The following KCNJ6 variants were observed in gnomAD, a reference collection of about 807,000 sequenced individuals.
KCNJ6 encodes potassium inwardly rectifying channel subfamily J member 6.
Under a neutral mutation model 34.2 loss-of-function variants are expected in KCNJ6, and 9 were observed. The ratio of observed to expected loss-of-function variants is 0.26; its 90% CI spans 0.16 to 0.46. KCNJ6 has a LOEUF of 0.46. Among genes scored for constraint, KCNJ6 ranks in the 20% least tolerant of loss-of-function variants. KCNJ6 has a pLI of 1.00. For synonymous variants in KCNJ6, 196 were observed against 207.1 expected (o/e 0.95, Z 0.46); for missense variants, 236 against 531.3 (o/e 0.44, Z 5.46).
chr21:37,782,802 G>A (rs1336791252), intron 2 of KCNJ6, among the ~76,000 whole-genome samples: 7 of 152,086 alleles, frequency 4.6e-5, no homozygotes, highest in Non-Finnish European at 1.0e-4. Flanking sequence ...CTACACTCAG[G>A]TGCCCAGGGC....
chr21:37,745,847 G>A (rs990207466), intron 2 of KCNJ6, among the ~76,000 whole-genome samples: 3 of 152,174 alleles, frequency 2.0e-5, no homozygotes, highest in African/African-American at 4.8e-5. Flanking sequence ...CTAGGGCAGC[G>A]GAGGCAATTC....
Position 37,618,122 on chromosome 21 carries a change from T to TGATGTCAGGGC in KCNJ6, c.*7026_*7036dup, listed in dbSNP as rs1307905999. 2.6e-5 allele frequency: 4 copies of TGATGTCAGGGC among 152,246 alleles called. No homozygotes were observed. Among genetic ancestry groups the TGATGTCAGGGC allele is most frequent in the African/African-American group, 9.6e-5 (4 of 41,460 alleles). The allele number at this position is 152,246 out of a possible 1,614,324, so 9.4% of individuals were successfully genotyped here. The stretch of plus-strand genomic sequence containing the variant: ...GCCCACAGTCAGCAATGCTGAGAGA[T>TGATGTCAGGGC]GATGTCAGGGCGATGCCCGTGATGG... On this transcript the variant is annotated 3_prime_UTR_variant, in exon 4 of 4. Transcript: ENST00000609713.
rs76468391 is a variant in KCNJ6 at position 37,717,435 on chromosome 21, A to G, written c.26-2304T>C. Among the ~76,000 whole-genome samples, 3,285 of 151,008 alleles carry G rather than the reference A, an allele frequency of 0.022. 297 individuals are homozygous for G. In the East Asian group the frequency reaches 0.32, roughly 15 times the overall value. ...TTCTCACTGGAGATGGGGTGGGTGT[A>G]TGGATGGAGGCAAAGGCCATGTCCT... On this transcript the variant is annotated intron_variant, in intron 2 of 3. Transcript: ENST00000609713.
At chr21:37,688,117 G>T (rs1259616999) in intron 3 of KCNJ6, among the ~76,000 whole-genome samples, 5 of 147,368 alleles carry the variant, frequency 3.4e-5, no homozygotes, top group African/African-American at 1.2e-4. Context: ...TGGCAGACAG[G>T]TGTTTCTTCT....
At chr21:37,684,783 C>T (rs1051588850) in intron 3 of KCNJ6, among the ~76,000 whole-genome samples, 4 of 152,080 alleles carry the variant, frequency 2.6e-5, no homozygotes, top group Admixed American at 1.3e-4. Context: ...GCCGAGTCAG[C>T]GGGGTCAAAG....
At chr21:37,842,692 C>T (rs2836019) in intron 1 of KCNJ6, among the ~76,000 whole-genome samples, 52,915 of 152,022 alleles carry the variant, frequency 0.35, 9,522 homozygotes, top group African/African-American at 0.45. Flanking sequence ...CTAAGTGTCA[C>T]GTCACAGAGC....
intron 3 of KCNJ6, among the ~76,000 whole-genome samples, chr21:37,653,862 C>T (rs1162357071): frequency 6.6e-6 from 1 of 152,134 alleles, no homozygotes; most frequent in African/African-American, 2.4e-5. Context: ...GTTAGAGATG[C>T]ATTCTTAGTT....
chr21:37,644,955 G>C (rs1416845693), intron 3 of KCNJ6, among the ~76,000 whole-genome samples: 1 of 150,996 alleles, frequency 6.6e-6, no homozygotes, highest in Non-Finnish European at 1.5e-5. Flanking sequence ...CTCATGGGGA[G>C]GAGGGCTGAT....
At chr21:37,654,455 C>T (rs1160599394) in intron 3 of KCNJ6, among the ~76,000 whole-genome samples, 1 of 151,786 alleles carries the variant, frequency 6.6e-6, no homozygotes, top group Non-Finnish European at 1.5e-5. Context: ...AATAACTCTT[C>T]CCATATTGCT....
chr21:37,806,721 T>C (rs1275538880), intron 2 of KCNJ6, among the ~76,000 whole-genome samples: 3 of 152,240 alleles, frequency 2.0e-5, no homozygotes, highest in Non-Finnish European at 4.4e-5. Flanking sequence ...ATATAAACAT[T>C]TTCTGTGATC....
intron 1 of KCNJ6, among the ~76,000 whole-genome samples, chr21:37,895,225 A>T (rs747714912): frequency 2.6e-5 from 4 of 152,208 alleles, no homozygotes; most frequent in Non-Finnish European, 5.9e-5. Context: ...TTTCTTAAGG[A>T]TTCAGGAGGC....
chr21:37,811,522 G>A (rs2055322609), intron 2 of KCNJ6, among the ~76,000 whole-genome samples: 1 of 152,184 alleles, frequency 6.6e-6, no homozygotes, highest in Admixed American at 6.5e-5. Context: ...GCAGGATGCT[G>A]AGCTGGTGTC....
In KCNJ6 at chr21:37,614,510, CTGTATGCATG is replaced by C. The variant is rs2054255929; in HGVS notation, c.*10639_*10648del. On this transcript the variant is annotated 3_prime_UTR_variant, in exon 4 of 4. Transcript: ENST00000609713. ...TCTGTGTGCGTGTATGCATGTGTCT[CTGTATGCATG>C]TGTGTATGCATGTCTCTGTGTATGC... The C allele has an allele frequency of 3.4e-5, 1 of 29,150 alleles. No homozygotes were observed. The highest frequency in any genetic ancestry group is 8.2e-5 in the Non-Finnish European group (1 of 12,176). 1.8% of individuals were successfully genotyped at this position (29,150 alleles called of 1,614,324 possible).
intron 2 of KCNJ6, among the ~76,000 whole-genome samples, chr21:37,784,617 A>T (rs1418590253): frequency 1.3e-5 from 2 of 152,160 alleles, no homozygotes; most frequent in Non-Finnish European, 2.9e-5. Flanking sequence ...ATGAGCTTGC[A>T]AACTGTCACA....
intron 2 of KCNJ6, among the ~76,000 whole-genome samples, chr21:37,836,210 G>T (rs927263505): frequency 3.3e-5 from 5 of 152,204 alleles, no homozygotes; most frequent in African/African-American, 1.2e-4. Context: ...AAGCCAGTTA[G>T]AATGGTGATC....
chr21:37,735,024 T>A (rs922137408), intron 2 of KCNJ6, among the ~76,000 whole-genome samples: 1 of 152,024 alleles, frequency 6.6e-6, no homozygotes, highest in Non-Finnish European at 1.5e-5. Context: ...GCCCAGCATG[T>A]CCCCGTTTCC....
At position 37,719,607 on chromosome 21, in the gene KCNJ6, C is replaced by T. The variant is rs554713662; in HGVS notation, c.26-4476G>A. On this transcript the variant is annotated intron_variant, in intron 2 of 3. Coordinates refer to ENST00000609713, the MANE Select transcript of KCNJ6 (RefSeq NM_002240.5). ...ATGATTTACTTGACTTTGAGAGTAGCTTTTCAGGATTTTGGCTCAGAGTAA... is the reference window on the plus strand; with the variant it reads ...ATGATTTACTTGACTTTGAGAGTAGTTTTTCAGGATTTTGGCTCAGAGTAA... The T allele has an allele frequency of 2.6e-5, 4 of 152,312 alleles. No individual in the cohort carries two copies. In the East Asian group the frequency reaches 7.7e-4, roughly 29 times the overall value. The allele number at this position is 152,312 out of a possible 1,614,324, so 9.4% of individuals were successfully genotyped here.
intron 2 of KCNJ6, among the ~76,000 whole-genome samples, chr21:37,814,863 C>T (rs1043057329): frequency 1.4e-5 from 2 of 147,000 alleles, no homozygotes; most frequent in South Asian, 4.3e-4. Context: ...TGCCACTGCA[C>T]TCCAGCCTGG....
intron 2 of KCNJ6, among the ~76,000 whole-genome samples, chr21:37,819,799 C>CTTTTTT (rs60678115): frequency 6.7e-6 from 1 of 148,548 alleles, no homozygotes; most frequent in Admixed American, 6.7e-5. Context: ...GTTAAATACA[C>CTTTTTT]TTTTTTTTTT....
Sources: gnomAD v4.1 joint callset for allele counts (sites outside exome capture counted in the v4.1 genomes callset) on GRCh38, gnomAD v4.1.1 for gene constraint, MANE v1.5 for transcripts, NCBI Gene and HGNC (gene_info 2026-07-23, HGNC 2026-07-21) for gene names.